ZCCHC4: variants seen among roughly 807,000 people sequenced by gnomAD.
The protein encoded by ZCCHC4 is rRNA N(6)-adenosine-methyltransferase ZCCHC4.
In ZCCHC4, 54 loss-of-function variants were observed where a neutral mutation model predicts 67.7. The ratio of observed to expected loss-of-function variants is 0.80; its 90% CI spans 0.64 to 1.00. ZCCHC4 has a LOEUF of 1.00. ZCCHC4 is among the 50% of genes least tolerant of loss of function. The pLI is 0.00. For synonymous variants in ZCCHC4, 198 were observed against 213.5 expected (o/e 0.93, Z 0.63); for missense variants, 609 against 617.0 (o/e 0.99, Z 0.14).
At chr4:25,342,844 A>C (rs1477323379) in intron 5 of ZCCHC4, among the ~76,000 whole-genome samples, 1 of 152,192 alleles carries the variant, frequency 6.6e-6, no homozygotes, top group African/African-American at 2.4e-5. Flanking sequence ...GAAACTTAGA[A>C]CTGAAATCTT....
chr4:25,315,316 A>G lies in ZCCHC4; in HGVS notation c.247-2A>G. 1 of 1,610,814 alleles carries G rather than the reference A, an allele frequency of 6.2e-7. No individual in the cohort carries two copies. The highest frequency in any genetic ancestry group is 1.3e-5 in the African/African-American group (1 of 74,834). On this transcript the variant is annotated splice_acceptor_variant, in intron 2 of 12. Coordinates refer to ENST00000302874, the MANE Select transcript of ZCCHC4 (RefSeq NM_024936.3). LOFTEE classifies it high-confidence loss of function. ...TTCAATGGGTTTTGTACTCTCTTTC[A>G]GTTGTCAGGAGCTAGACTTGCTGCC...
chr4:25,345,110 A>C (rs1719943065), intron 5 of ZCCHC4, among the ~76,000 whole-genome samples: 1 of 152,154 alleles, frequency 6.6e-6, no homozygotes, highest in Non-Finnish European at 1.5e-5. Context: ...GCCTGTATTA[A>C]ATACTTAAAA....
intron 3 of ZCCHC4, among the ~76,000 whole-genome samples, chr4:25,322,967 C>G (rs1166307797): frequency 6.6e-6 from 1 of 152,230 alleles, no homozygotes; most frequent in African/African-American, 2.4e-5. Flanking sequence ...CTGCATTTCT[C>G]CTTCCCCAGT....
chr4:25,353,090 A>G (rs1560413631), intron 8 of ZCCHC4, among the ~76,000 whole-genome samples: 1 of 152,186 alleles, frequency 6.6e-6, no homozygotes. Context: ...ACATAGCTAC[A>G]CAATCTTTAT....
rs1348768482 is a variant in ZCCHC4 at position 25,319,309 on chromosome 4, T to C, written c.329+3909T>C. 5.3e-5 allele frequency among the ~76,000 whole-genome samples: 8 copies of C among 151,322 alleles called. No homozygotes were observed. In the South Asian group the frequency reaches 1.3e-3, roughly 24 times the overall value. ...CTGAGGCAGGAGAATGGCGTGAACCTGGGAGGCAGAGCTTGTAGCGAGCCG... is the reference window on the plus strand; with the variant it reads ...CTGAGGCAGGAGAATGGCGTGAACCCGGGAGGCAGAGCTTGTAGCGAGCCG... On this transcript the variant is annotated intron_variant, in intron 3 of 12. Coordinates refer to ENST00000302874, the MANE Select transcript of ZCCHC4 (RefSeq NM_024936.3).
chr4:25,325,454 G>A (rs1376656104), intron 3 of ZCCHC4, among the ~76,000 whole-genome samples: 1 of 151,734 alleles, frequency 6.6e-6, no homozygotes, highest in Non-Finnish European at 1.5e-5. Flanking sequence ...AGTAGAGATG[G>A]TGTTTCACCA....
intron 6 of ZCCHC4, among the ~76,000 whole-genome samples, chr4:25,349,226 T>G (rs1022728478): frequency 6.6e-6 from 1 of 152,204 alleles, no homozygotes; most frequent in African/African-American, 2.4e-5. Flanking sequence ...GCCTTTTAAT[T>G]TAACCATTTG....
At chr4:25,351,026 T>G (rs1480103545) in intron 7 of ZCCHC4, among the ~76,000 whole-genome samples, 1 of 152,246 alleles carries the variant, frequency 6.6e-6, no homozygotes, top group Non-Finnish European at 1.5e-5. Flanking sequence ...CTATTGGAAT[T>G]TTAGCTGTAA....
At chr4:25,329,727 G>T (rs1172775354) in intron 3 of ZCCHC4, among the ~76,000 whole-genome samples, 2 of 151,802 alleles carry the variant, frequency 1.3e-5, no homozygotes, top group African/African-American at 2.4e-5. Context: ...TAGAGACAGG[G>T]TTTCATCATG....
chr4:25,351,038 A>C (rs1175423388), intron 7 of ZCCHC4, among the ~76,000 whole-genome samples: 1 of 152,250 alleles, frequency 6.6e-6, no homozygotes, highest in African/African-American at 2.4e-5. Context: ...TAGCTGTAAT[A>C]GTGCTATAAT....
Position 25,349,544 on chromosome 4 carries a change from T to C in ZCCHC4, c.812T>C (p.Ile271Thr), listed in dbSNP as rs775998262. The change falls in exon 7 of 13, where the codon ATC (isoleucine) becomes ACC (threonine). Residue 271 changes from isoleucine to threonine, a missense_variant. Transcript: ENST00000302874. Reference protein sequence around the residue: ...AFLQEDKGEGIIMVTDPPFGG... With the variant: ...AFLQEDKGEGTIMVTDPPFGG... ...TTACAGGAAGATAAAGGCGAAGGAA[T>C]CATTATGGTGACGGATCCTCCGTTT... 1 of 1,614,038 alleles carries C rather than the reference T, an allele frequency of 6.2e-7. No homozygotes were observed. Among genetic ancestry groups the C allele is most frequent in the Non-Finnish European group, 8.5e-7 (1 of 1,179,926 alleles).
Position 25,339,412 on chromosome 4 carries a change from A to G in ZCCHC4, c.686+5424A>G, listed in dbSNP as rs570571955. On this transcript the variant is annotated intron_variant, in intron 5 of 12. Coordinates refer to ENST00000302874, the MANE Select transcript of ZCCHC4 (RefSeq NM_024936.3). ...CATATTTTATTCTCACCAGGAATAT[A>G]TGAGGTTTCTAATTTCTCCATGTCC... 3.9e-5 allele frequency among the ~76,000 whole-genome samples: 6 copies of G among 152,314 alleles called. No homozygotes were observed. The East Asian group carries it at 7.7e-4, about 20-fold the overall frequency.
rs147458124 is a variant in ZCCHC4, at chr4:25,322,925, G to A, written c.329+7525G>A. Among the ~76,000 whole-genome samples, 451 of 152,310 alleles carry A rather than the reference G, an allele frequency of 3.0e-3. 2 individuals are homozygous for A. The highest frequency in any genetic ancestry group is 0.01 in the African/African-American group (427 of 41,570). ...CAAGTTGTTCTATGACAGTGCATTT[G>A]CAAAGAATAATCAACACTCCTGTTT... is the stretch of plus-strand genomic sequence containing the variant. On this transcript the variant is annotated intron_variant, in intron 3 of 12. Coordinates refer to ENST00000302874, the MANE Select transcript of ZCCHC4 (RefSeq NM_024936.3).
chr4:25,318,214 A>C (rs1412363289), intron 3 of ZCCHC4, among the ~76,000 whole-genome samples: 1 of 152,008 alleles, frequency 6.6e-6, no homozygotes, highest in Non-Finnish European at 1.5e-5. Context: ...TTTATCTGAT[A>C]AGCATGTTTC....
intron 5 of ZCCHC4, among the ~76,000 whole-genome samples, chr4:25,344,675 A>T (rs1180398212): frequency 1.3e-5 from 2 of 152,062 alleles, no homozygotes; most frequent in East Asian, 3.9e-4. Context: ...AAATAATTCA[A>T]TCAGTAAATA....
intron 10 of ZCCHC4, 27 bp downstream of exon 10, chr4:25,362,328 T>C: frequency 6.9e-7 from 1 of 1,448,264 alleles, no homozygotes; most frequent in African/African-American, 1.4e-5. Flanking sequence ...GAATGTATTT[T>C]TATTTAGATA....
At chr4:25,367,352 G>C (rs1463025070) in intron 12 of ZCCHC4, among the ~76,000 whole-genome samples, 1 of 152,130 alleles carries the variant, frequency 6.6e-6, no homozygotes, top group African/African-American at 2.4e-5. Context: ...TCTCTGGAAA[G>C]TTTTGTGTAT....
intron 1 of ZCCHC4, among the ~76,000 whole-genome samples, chr4:25,313,160 T>C (rs1718045951): frequency 6.6e-6 from 1 of 152,160 alleles, no homozygotes; most frequent in African/African-American, 2.4e-5. Flanking sequence ...ATTTCATCTC[T>C]TTTGGGGGGA....
Position 25,333,412 on chromosome 4 carries a change from C to CA in ZCCHC4, c.559_560insA (p.Leu187HisfsTer19). On this transcript the variant is annotated frameshift_variant, in exon 4 of 13. Coordinates refer to ENST00000302874, the MANE Select transcript of ZCCHC4 (RefSeq NM_024936.3). LOFTEE classifies it high-confidence loss of function. Reference sequence around the variant, plus strand: ...GAGCTGTCAGTTCTTGGTAGACTTACTTTCTGCCCTCGGATTCAGAAGAGT... The same window carrying CA: ...GAGCTGTCAGTTCTTGGTAGACTTACATTTCTGCCCTCGGATTCAGAAGAGT... The CA allele has an allele frequency of 6.2e-7, 1 of 1,614,218 alleles. No homozygotes were observed. The highest frequency in any genetic ancestry group is 8.5e-7 in the Non-Finnish European group (1 of 1,180,038).
Sources: gnomAD v4.1 joint callset for allele counts (sites outside exome capture counted in the v4.1 genomes callset) on GRCh38, gnomAD v4.1.1 for gene constraint, MANE v1.5 for transcripts, NCBI Gene and HGNC (gene_info 2026-07-23, HGNC 2026-07-21) for gene names.